Variants in DIS3L2 observed in about 807,000 individuals in gnomAD.
DIS3L2 encodes DIS3-like exonuclease 2.
A neutral mutation model predicts 97.5 loss-of-function variants in DIS3L2; 34 were observed. The observed-to-expected ratio is 0.35, with a 90% CI of 0.27 to 0.46. DIS3L2 has a LOEUF of 0.46. Ranked by LOEUF, DIS3L2 falls within the 20% of genes least tolerant of loss-of-function variation. The pLI, the probability that DIS3L2 is intolerant of heterozygous loss-of-function variation, is 1.00. For synonymous variants in DIS3L2, 435 were observed against 445.2 expected, an observed-to-expected ratio of 0.98 and a Z score of 0.29; for missense variants, 1,038 against 1,146.0, an observed-to-expected ratio of 0.91 and a Z score of 1.36.
At chr2:232,343,103 AC>A (rs1696149482) in intron 13 of DIS3L2, 1 of 494,734 alleles carries the variant, frequency 2.0e-6, no homozygotes. Flanking sequence ...ACTGCCGCCT[AC>A]CCTGGGGTCT....
At position 232,120,957 on chromosome 2, in the gene DIS3L2, C is replaced by T. The variant is rs554766084; in HGVS notation, c.602-9662C>T. ...TTCAACCACACCTTCTTTACTGGTTCCTTCCCATCAGCAATTAACCATGTC... is the reference window on the plus strand; with the variant it reads ...TTCAACCACACCTTCTTTACTGGTTTCTTCCCATCAGCAATTAACCATGTC... On this transcript the variant is annotated intron_variant, in intron 6 of 20. Coordinates refer to ENST00000325385, the MANE Select transcript of DIS3L2 (RefSeq NM_152383.5). Among the ~76,000 whole-genome samples, 5 of 152,248 alleles carry T rather than the reference C, an allele frequency of 3.3e-5. No homozygotes were observed. The South Asian group carries it at 1.0e-3, about 32-fold the overall frequency.
chr2:231,962,253 C>T (rs921980661), intron 1 of DIS3L2, among the ~76,000 whole-genome samples: 17 of 150,206 alleles, frequency 1.1e-4, no homozygotes, highest in Non-Finnish European at 2.2e-4. Flanking sequence ...TACACTTTAT[C>T]TCCTTTATTG....
chr2:232,003,133 T>C (rs1322723480), intron 1 of DIS3L2, among the ~76,000 whole-genome samples: 2 of 152,234 alleles, frequency 1.3e-5, no homozygotes, highest in African/African-American at 2.4e-5. Context: ...TCTTAAATGA[T>C]AACAATTTCT....
chr2:232,051,594 C>T (rs989789657), intron 5 of DIS3L2, among the ~76,000 whole-genome samples: 4 of 151,730 alleles, frequency 2.6e-5, no homozygotes, highest in South Asian at 2.1e-4. Context: ...GGGCGGATCA[C>T]GAGGTCAGGA....
chr2:232,007,435 A>C (rs1694084117), intron 1 of DIS3L2, among the ~76,000 whole-genome samples: 1 of 152,176 alleles, frequency 6.6e-6, no homozygotes, highest in Admixed American at 6.5e-5. Context: ...TCTCAGGCTC[A>C]AGTGTTTGTC....
chr2:232,168,937 T>C (rs1206389095), intron 9 of DIS3L2, among the ~76,000 whole-genome samples: 1 of 152,200 alleles, frequency 6.6e-6, no homozygotes, highest in African/African-American at 2.4e-5. Context: ...AAAATATTTA[T>C]GGAACACCAA....
chr2:232,270,933 C>G (rs1372907910), intron 13 of DIS3L2, among the ~76,000 whole-genome samples: 4 of 151,234 alleles, frequency 2.6e-5, no homozygotes, highest in South Asian at 2.1e-4. Flanking sequence ...CTCTCTCTCT[C>G]TCTCTCTGTC....
chr2:232,029,777 C>G (rs143195536), intron 4 of DIS3L2, among the ~76,000 whole-genome samples: 2,327 of 152,164 alleles, frequency 0.015, 19 homozygotes, highest in Non-Finnish European at 0.022. Context: ...TGTTCTCTTG[C>G]ATACCTTCTA....
At chr2:232,118,270 C>T (rs747723136) in intron 6 of DIS3L2, among the ~76,000 whole-genome samples, 5 of 152,140 alleles carry the variant, frequency 3.3e-5, no homozygotes, top group Non-Finnish European at 5.9e-5. Flanking sequence ...GTCCCAGGTC[C>T]CGCCCACACT....
At chr2:232,031,799 G>C (rs1335564721) in intron 5 of DIS3L2, among the ~76,000 whole-genome samples, 1 of 152,102 alleles carries the variant, frequency 6.6e-6, no homozygotes. Context: ...ATGGTTTCCA[G>C]CTTCATCCAT....
rs573816994 is a variant in DIS3L2, at chr2:232,027,097, C to T, written c.264+2767C>T. 2.6e-5 allele frequency among the ~76,000 whole-genome samples: 4 copies of T among 152,144 alleles called. No individual in the cohort carries two copies. The South Asian group carries it at 8.3e-4, about 32-fold the overall frequency. ...TTCTTGCTTTGTGGGTTTCAGTTTC[C>T]AGAAGCATTATAGAAAGCAACTGAA... is the stretch of plus-strand genomic sequence containing the variant. On this transcript the variant is annotated intron_variant, in intron 4 of 20. Coordinates refer to ENST00000325385, the MANE Select transcript of DIS3L2 (RefSeq NM_152383.5).
At position 232,335,854 on chromosome 2, in the gene DIS3L2, G is replaced by A. The variant is rs201189209; in HGVS notation, c.2476G>A (p.Glu826Lys). Residue 826 changes from glutamate to lysine, a missense_variant, in exon 20 of 21, where the codon GAG (glutamate) becomes AAG (lysine). Coordinates refer to ENST00000325385, the MANE Select transcript of DIS3L2 (RefSeq NM_152383.5). ...LTLVWEPEDMEQEPAQQVITI... is the reference protein window; with the variant it reads ...LTLVWEPEDMKQEPAQQVITI... ...GCTGGTCTGGGAGCCTGAGGACATG[G>A]AGCAGGAGCCAGCACAGCAGGTCAG... The A allele has an allele frequency of 1.3e-6, 2 of 1,550,778 alleles. No individual in the cohort carries two copies. Among genetic ancestry groups the A allele is most frequent in the Non-Finnish European group, 1.7e-6 (2 of 1,147,044 alleles).
chr2:232,281,165 C>T lies in DIS3L2; in HGVS notation c.1659+17725C>T, dbSNP rs1372375790. Among the ~76,000 whole-genome samples the T allele has an allele frequency of 3.3e-5, 5 of 152,168 alleles. No individual in the cohort carries two copies. The highest frequency in any genetic ancestry group is 7.2e-5 in the African/African-American group (3 of 41,508). Reference sequence around the variant, plus strand: ...CCTATAACCCAGCACTTTGGGAGGCCGAGGCGGGTGGATCACAAGGTCAGG... The same window carrying T: ...CCTATAACCCAGCACTTTGGGAGGCTGAGGCGGGTGGATCACAAGGTCAGG... On this transcript the variant is annotated intron_variant, in intron 13 of 20. Coordinates refer to ENST00000325385, the MANE Select transcript of DIS3L2 (RefSeq NM_152383.5). The surrounding 1 kb of genome is among the most constrained non-coding windows in gnomAD (Gnocchi z 4.1).
intron 8 of DIS3L2, among the ~76,000 whole-genome samples, chr2:232,137,824 G>A (rs1698399920): frequency 6.6e-6 from 1 of 152,154 alleles, no homozygotes; most frequent in African/African-American, 2.4e-5. Context: ...CTCAAGTGGT[G>A]TGATTGCAAT....
intron 13 of DIS3L2, among the ~76,000 whole-genome samples, chr2:232,288,241 T>G (rs774625834): frequency 6.6e-6 from 1 of 152,214 alleles, no homozygotes; most frequent in African/African-American, 2.4e-5. Flanking sequence ...AGTCCTGAAC[T>G]TTGATGGGAG....
chr2:232,180,021 C>T (rs1248601187), intron 9 of DIS3L2, among the ~76,000 whole-genome samples: 1 of 116,618 alleles, frequency 8.6e-6, no homozygotes, highest in East Asian at 3.4e-4. Flanking sequence ...TCTTTGTTCT[C>T]GTTGGTTTCA....
rs890838620 is a variant in DIS3L2, at chr2:232,320,179, T to TG, written c.1740-9626dup. 2.3e-3 allele frequency among the ~76,000 whole-genome samples: 351 copies of TG among 150,288 alleles called. 4 individuals are homozygous for TG. Among genetic ancestry groups the TG allele is most frequent in the African/African-American group, 7.4e-3 (305 of 40,954 alleles). On this transcript the variant is annotated intron_variant, in intron 14 of 20. Coordinates refer to ENST00000325385, the MANE Select transcript of DIS3L2 (RefSeq NM_152383.5). ...GATGTCAGGGAAGCCCAGAATGTTC[T>TG]GGGGGGGGTGGGGGACACATTCATT...
At chr2:232,006,538 ATAAAT>A (rs1282237815) in intron 1 of DIS3L2, among the ~76,000 whole-genome samples, 1 of 152,226 alleles carries the variant, frequency 6.6e-6, no homozygotes, top group African/African-American at 2.4e-5. Context: ...GAGGAGAATA[ATAAAT>A]TGAATTAGAA....
At chr2:232,009,567 G>A (rs373296695) in intron 1 of DIS3L2, among the ~76,000 whole-genome samples, 1 of 152,160 alleles carries the variant, frequency 6.6e-6, no homozygotes, top group South Asian at 2.1e-4. Context: ...TAAATTCCTT[G>A]AAACAACGAG....
Sources: gnomAD v4.1 joint callset for allele counts (sites outside exome capture counted in the v4.1 genomes callset) on GRCh38, gnomAD v4.1.1 for gene constraint, Gnocchi (gnomAD v3.1) non-coding constraint, MANE v1.5 for transcripts, NCBI Gene and HGNC (gene_info 2026-07-23, HGNC 2026-07-21) for gene names.